The following MACROD2 variants were observed in gnomAD, a reference collection of about 807,000 sequenced individuals.
MACROD2 encodes mono-ADP ribosylhydrolase 2, also known as ADP-ribose glycohydrolase MACROD2.
MACROD2 carries 36 observed loss-of-function variants against 70.4 expected under a neutral mutation model. That is an observed-to-expected ratio of 0.51 (90% CI 0.39 to 0.68). The LOEUF (loss-of-function observed/expected upper bound fraction) is 0.68, where lower values mean the gene tolerates loss of function less well. MACROD2 is among the 30% of genes least tolerant of loss of function. The pLI, the probability that MACROD2 is intolerant of heterozygous loss-of-function variation, is 0.00. For synonymous variants in MACROD2, 172 were observed against 178.8 expected, an observed-to-expected ratio of 0.96 and a Z score of 0.30; for missense variants, 496 against 538.4, an observed-to-expected ratio of 0.92 and a Z score of 0.78.
chr20:15,172,486 G>A (rs1363794176), intron 5 of MACROD2, among the ~76,000 whole-genome samples: 4 of 152,202 alleles, frequency 2.6e-5, no homozygotes, highest in South Asian at 2.1e-4. Flanking sequence ...TCCTGGGCTC[G>A]AGCTATCCTC....
At chr20:15,939,414 C>T (rs2065716825) in intron 12 of MACROD2, among the ~76,000 whole-genome samples, 1 of 152,048 alleles carries the variant, frequency 6.6e-6, no homozygotes, top group Admixed American at 6.6e-5. Flanking sequence ...GAAGTCTACC[C>T]CACCTGTGCT....
At chr20:15,649,434 G>T (rs879720855) in intron 8 of MACROD2, among the ~76,000 whole-genome samples, 1 of 152,020 alleles carries the variant, frequency 6.6e-6, no homozygotes, top group African/African-American at 2.4e-5. Flanking sequence ...GACCATGCAA[G>T]TTCCAGAGTC....
At chr20:14,602,720 A>G (rs749421884) in intron 4 of MACROD2, among the ~76,000 whole-genome samples, 1 of 152,208 alleles carries the variant, frequency 6.6e-6, no homozygotes, top group Non-Finnish European at 1.5e-5. Flanking sequence ...TAAGTTTTCT[A>G]TACTGTTCAG....
chr20:15,935,585 A>G (rs1191281704), intron 11 of MACROD2, among the ~76,000 whole-genome samples: 2 of 152,220 alleles, frequency 1.3e-5, no homozygotes, highest in Non-Finnish European at 2.9e-5. Flanking sequence ...ACGTCATGAA[A>G]AAACACAATC....
At chr20:14,800,470 A>G (rs181547795) in intron 5 of MACROD2, among the ~76,000 whole-genome samples, 2 of 152,198 alleles carry the variant, frequency 1.3e-5, no homozygotes, top group East Asian at 1.9e-4. Context: ...ACCAAAGGTT[A>G]TTTCTGTCAT....
At chr20:15,114,405 G>A (rs938784724) in intron 5 of MACROD2, among the ~76,000 whole-genome samples, 1 of 152,278 alleles carries the variant, frequency 6.6e-6, no homozygotes, top group East Asian at 1.9e-4. Context: ...TGGTCTTGAA[G>A]CTGCCATATT....
At chr20:14,870,074 G>T (rs1419857397) in intron 5 of MACROD2, among the ~76,000 whole-genome samples, 3 of 152,074 alleles carry the variant, frequency 2.0e-5, no homozygotes, top group African/African-American at 7.2e-5. Context: ...GTGCCCATTG[G>T]TGATTTTTCC....
chr20:14,243,745 T>C (rs879055105), intron 3 of MACROD2, among the ~76,000 whole-genome samples: 1 of 152,238 alleles, frequency 6.6e-6, no homozygotes, highest in Non-Finnish European at 1.5e-5. Flanking sequence ...CAACATATGA[T>C]AGAAAGTGGC....
At chr20:15,767,381 A>C (rs2067717) in intron 8 of MACROD2, among the ~76,000 whole-genome samples, 73,193 of 151,578 alleles carry the variant, frequency 0.48, 18,522 homozygotes, top group African/African-American at 0.65. Flanking sequence ...CATATTCCTA[A>C]AATTTTGTAT....
At chr20:15,981,387 T>G (rs959767320) in intron 13 of MACROD2, among the ~76,000 whole-genome samples, 1 of 152,188 alleles carries the variant, frequency 6.6e-6, no homozygotes, top group Non-Finnish European at 1.5e-5. Flanking sequence ...TCTTTTCCTG[T>G]TTTTGTTGTT....
intron 3 of MACROD2, among the ~76,000 whole-genome samples, chr20:14,355,288 T>C (rs779669706): frequency 1.4e-4 from 21 of 152,178 alleles, no homozygotes; most frequent in Non-Finnish European, 2.4e-4. Flanking sequence ...AATTATAAAA[T>C]AATGTCTTAA....
chr20:15,271,931 T>C (rs1467149922), intron 6 of MACROD2, among the ~76,000 whole-genome samples: 1 of 152,218 alleles, frequency 6.6e-6, no homozygotes, highest in African/African-American at 2.4e-5. Context: ...GATTTCAAAG[T>C]GGAGAGCTGG....
In MACROD2 at chr20:15,037,379, C is replaced by T. The variant is rs987373791; in HGVS notation, c.419-192561C>T. 5.3e-5 allele frequency among the ~76,000 whole-genome samples: 8 copies of T among 152,284 alleles called. 1 individual carries two copies. The South Asian group carries it at 6.2e-4, about 12-fold the overall frequency. ...TCTTGTTTTTGAAACATTTCTGGCA[C>T]GATAATACAGGTTGAGAATTAAAAA... On this transcript the variant is annotated intron_variant, in intron 5 of 17. Transcript: ENST00000684519.
intron 3 of MACROD2, among the ~76,000 whole-genome samples, chr20:14,176,085 A>G (rs1282530231): frequency 6.6e-6 from 1 of 152,200 alleles, no homozygotes. Context: ...GTAAGTTTAC[A>G]TTGATCTTGG....
At chr20:15,556,292 G>C (rs1027511213) in intron 8 of MACROD2, among the ~76,000 whole-genome samples, 18 of 152,092 alleles carry the variant, frequency 1.2e-4, no homozygotes, top group African/African-American at 4.3e-4. Context: ...ATGTGTTTCT[G>C]GAATGCTGGT....
At chr20:15,755,186 A>G (rs1275315618) in intron 8 of MACROD2, among the ~76,000 whole-genome samples, 1 of 152,086 alleles carries the variant, frequency 6.6e-6, no homozygotes. Context: ...AGAAGTTACC[A>G]GGAGACAGTG....
At chr20:15,079,984 C>T (rs886551380) in intron 5 of MACROD2, among the ~76,000 whole-genome samples, 2 of 152,090 alleles carry the variant, frequency 1.3e-5, no homozygotes, top group Non-Finnish European at 2.9e-5. Flanking sequence ...ATCTACCAAC[C>T]TGCCTGCTTC....
chr20:14,209,390 G>T (rs896539833), intron 3 of MACROD2, among the ~76,000 whole-genome samples: 1 of 152,038 alleles, frequency 6.6e-6, no homozygotes, highest in East Asian at 1.9e-4. Flanking sequence ...GAAGCTCCAG[G>T]AGACAGGCAA....
At chr20:14,911,239 G>T (rs1453175239) in intron 5 of MACROD2, among the ~76,000 whole-genome samples, 1 of 152,094 alleles carries the variant, frequency 6.6e-6, no homozygotes, top group African/African-American at 2.4e-5. Context: ...CCAGTTCCTT[G>T]GTGTGGTTTT....
Sources: gnomAD v4.1 joint callset for allele counts (sites outside exome capture counted in the v4.1 genomes callset) on GRCh38, gnomAD v4.1.1 for gene constraint, MANE v1.5 for transcripts, NCBI Gene and HGNC (gene_info 2026-07-23, HGNC 2026-07-21) for gene names.